Variants in PRPF6 observed in about 807,000 individuals in gnomAD.
PRPF6 encodes the protein pre-mRNA-processing factor 6.
A neutral mutation model predicts 118.3 loss-of-function variants in PRPF6; 42 were observed. The observed-to-expected ratio is 0.35, with a 90% CI of 0.28 to 0.46. The LOEUF (loss-of-function observed/expected upper bound fraction) is 0.46, where lower values mean the gene tolerates loss of function less well. Ranked by LOEUF, PRPF6 falls within the 20% of genes least tolerant of loss-of-function variation. The pLI is 1.00. For missense variants in PRPF6, 662 were observed against 1,255.7 expected (o/e 0.53, Z 7.15); for synonymous variants, 481 against 485.1 (o/e 0.99, Z 0.11).
Position 64,027,246 on chromosome 20 carries a change from C to CT in PRPF6, c.2205+89dup. ...GGTGCAGGGTCATTGCCCTTCGCCT[C>CT]TGAGGAGATGTGGAGGGCTGGGGGT... On this transcript the variant is annotated intron_variant, in intron 16 of 20. Coordinates refer to ENST00000266079, the MANE Select transcript of PRPF6 (RefSeq NM_012469.4). This position sits in a 1 kb window ranked among gnomAD's most constrained non-coding sequence, Gnocchi z 6.5. The CT allele has an allele frequency of 6.6e-7, 1 of 1,516,698 alleles. No individual in the cohort carries two copies. The highest frequency in any genetic ancestry group is 1.2e-5 in the South Asian group (1 of 85,922). 94.0% of individuals were successfully genotyped at this position (1,516,698 alleles called of 1,614,324 possible).
chr20:64,021,752 T>G (rs1203161464), intron 12 of PRPF6, among the ~76,000 whole-genome samples: 2 of 148,146 alleles, frequency 1.4e-5, no homozygotes, highest in Non-Finnish European at 3.0e-5. Context: ...TGTGTGCACG[T>G]ATGCATATGC....
intron 12 of PRPF6, among the ~76,000 whole-genome samples, chr20:64,022,456 T>C (rs2059270976): frequency 6.6e-6 from 1 of 152,180 alleles, no homozygotes; most frequent in Non-Finnish European, 1.5e-5. Flanking sequence ...TACAGGCGCA[T>C]GCCACCACGT....
At chr20:64,024,258 A>G (rs1443492329) in intron 13 of PRPF6, among the ~76,000 whole-genome samples, 1 of 152,112 alleles carries the variant, frequency 6.6e-6, no homozygotes, top group Admixed American at 6.5e-5. Flanking sequence ...GACTGAGGTT[A>G]TTGCTGCTTC....
At chr20:64,009,707 A>G (rs546224567) in intron 9 of PRPF6, among the ~76,000 whole-genome samples, 3 of 152,306 alleles carry the variant, frequency 2.0e-5, no homozygotes, top group Middle Eastern at 3.4e-3. Flanking sequence ...GGGCAATAGA[A>G]TGAGACTCTG....
intron 12 of PRPF6, among the ~76,000 whole-genome samples, chr20:64,021,421 T>TGTGC (rs2059262545): frequency 6.7e-6 from 1 of 149,356 alleles, no homozygotes; most frequent in African/African-American, 2.5e-5. Flanking sequence ...TGTGCGTGTG[T>TGTGC]GTGCACGTAT....
chr20:64,000,955 T>G, intron 8 of PRPF6, 122 bp from the exon 9 acceptor site: 21 of 1,012,430 alleles, frequency 2.1e-5, no homozygotes, highest in Non-Finnish European at 3.2e-5. Context: ...TGTTAGAGGC[T>G]GAGCTAATTG....
intron 13 of PRPF6, among the ~76,000 whole-genome samples, chr20:64,024,020 G>A (rs1002438976): frequency 1.1e-4 from 17 of 152,208 alleles, no homozygotes; most frequent in Admixed American, 1.0e-3. Context: ...GAGGCCCAAA[G>A]GGGTCATTGA....
intron 9 of PRPF6, among the ~76,000 whole-genome samples, 195 bp downstream of exon 9, chr20:64,001,434 C>T (rs1451546569): frequency 3.3e-5 from 5 of 152,150 alleles, no homozygotes; most frequent in Admixed American, 3.3e-4. Context: ...AAGTTCCCAT[C>T]CTGGAAGGGA....
In PRPF6 at chr20:63,981,655, C is replaced by G. The variant is rs185841030; in HGVS notation, c.71+339C>G. On this transcript the variant is annotated intron_variant, in intron 1 of 20. Transcript: ENST00000266079. ...GTCGGGCTGACACTCCCCCCCCCCG[C>G]CCGCCCGCCCGCCCCGCCTTAAGCG... 3.8e-3 allele frequency among the ~76,000 whole-genome samples: 541 copies of G among 143,380 alleles called. 8 individuals carry two copies. The highest frequency in any genetic ancestry group is 0.013 in the African/African-American group (513 of 39,030). 94.1% of individuals were successfully genotyped at this position (143,380 alleles called of 152,430 possible).
chr20:64,006,743 G>A (rs2059191563), intron 9 of PRPF6, among the ~76,000 whole-genome samples: 1 of 152,152 alleles, frequency 6.6e-6, no homozygotes, highest in African/African-American at 2.4e-5. Context: ...TTTATTCCTA[G>A]ACCCGTGTGT....
intron 12 of PRPF6, among the ~76,000 whole-genome samples, chr20:64,020,722 C>T: frequency 6.6e-6 from 1 of 151,360 alleles, no homozygotes. Flanking sequence ...TTTGTATTCA[C>T]TTGTCTTTTA....
At position 64,029,266 on chromosome 20, in the gene PRPF6, G is replaced by A. The variant is rs12624667; in HGVS notation, c.2432-111G>A. 2 of 897,502 alleles carry A rather than the reference G, an allele frequency of 2.2e-6. No homozygotes were observed. The highest frequency in any genetic ancestry group is 1.8e-5 in the Admixed American group (1 of 56,992). 55.6% of individuals were successfully genotyped at this position (897,502 alleles called of 1,614,324 possible). A position where few individuals can be genotyped will look rare whatever the true frequency, so the allele number is the denominator to read the frequency against. On this transcript the variant is annotated intron_variant, in intron 18 of 20. Coordinates refer to ENST00000266079, the MANE Select transcript of PRPF6 (RefSeq NM_012469.4). This position sits in a 1 kb window ranked among gnomAD's most constrained non-coding sequence, Gnocchi z 4.8. ...CACAAGTTCTGCGAGCCGTGTGTGGGAGGCCCCTGTCGTGGTCTGAGGACG... is the reference window on the plus strand; with the variant it reads ...CACAAGTTCTGCGAGCCGTGTGTGGAAGGCCCCTGTCGTGGTCTGAGGACG...
chr20:64,032,644 C>G (rs2059320360), intron 20 of PRPF6, among the ~76,000 whole-genome samples, 197 bp from the exon 21 acceptor site: 1 of 152,222 alleles, frequency 6.6e-6, no homozygotes, highest in South Asian at 2.1e-4. Flanking sequence ...GGGGTCCATG[C>G]TCCTCAGGAG....
At chr20:64,018,097 G>T (rs1236757866) in intron 12 of PRPF6, among the ~76,000 whole-genome samples, 9 of 152,216 alleles carry the variant, frequency 5.9e-5, no homozygotes, top group Non-Finnish European at 1.0e-4. Flanking sequence ...TCAGGAGGCT[G>T]AGGTGGGAGG....
intron 8 of PRPF6, 51 bp downstream of exon 8, chr20:63,999,810 C>A: frequency 6.2e-7 from 1 of 1,601,516 alleles, no homozygotes; most frequent in South Asian, 1.1e-5. Context: ...GATTGTGGCC[C>A]CTACGGGAGT....
rs758954645 is a variant in PRPF6, at chr20:63,986,519, C to T, written c.359+1494C>T. Among the ~76,000 whole-genome samples, 54 of 145,164 alleles carry T rather than the reference C, an allele frequency of 3.7e-4. 1 individual carries two copies. Among genetic ancestry groups the T allele is most frequent in the Non-Finnish European group, 6.2e-4 (41 of 66,456 alleles). On this transcript the variant is annotated intron_variant, in intron 3 of 20. Transcript: ENST00000266079. The stretch of plus-strand genomic sequence containing the variant: ...TTTTTTTTTTTTTGAGACGGAGTCT[C>T]GCTCTGTTGCCCAGGCTGGAGTGCA...
At chr20:64,018,155 C>G (rs2059247401) in intron 12 of PRPF6, among the ~76,000 whole-genome samples, 2 of 152,254 alleles carry the variant, frequency 1.3e-5, no homozygotes, top group African/African-American at 4.8e-5. Flanking sequence ...GTGATTGCGC[C>G]ACTGCACTTC....
chr20:63,987,191 G>A (rs866557276), intron 3 of PRPF6, among the ~76,000 whole-genome samples: 73 of 142,106 alleles, frequency 5.1e-4, no homozygotes, highest in African/African-American at 1.6e-3. Context: ...AAAAAAAAAG[G>A]GGGGGGGAGC....
At chr20:64,025,894 C>T (rs1022332922) in intron 14 of PRPF6, 45 bp from the exon 15 acceptor site, 8 of 1,613,116 alleles carry the variant, frequency 5.0e-6, no homozygotes, top group East Asian at 2.2e-5. Flanking sequence ...AGGCGCTGGT[C>T]CCTGTGTTCT....
Sources: allele counts gnomAD v4.1 joint callset (sites outside exome capture counted in the v4.1 genomes callset), GRCh38; gene constraint gnomAD v4.1.1; non-coding constraint Gnocchi (gnomAD v3.1); transcripts MANE v1.5; gene names NCBI Gene and HGNC (gene_info 2026-07-23, HGNC 2026-07-21).